Variants in WDFY4 observed in about 807,000 individuals in gnomAD.
WDFY4 encodes WD repeat- and FYVE domain-containing protein 4.
WDFY4 carries 169 observed loss-of-function variants against 351.9 expected under a neutral mutation model. The ratio of observed to expected loss-of-function variants is 0.48; its 90% CI spans 0.42 to 0.55. The LOEUF (loss-of-function observed/expected upper bound fraction) is 0.55. Among genes scored for constraint, WDFY4 ranks in the 20% least tolerant of loss-of-function variants. The probability of loss-of-function intolerance (pLI) is 0.00; values close to 1 mark genes in which losing one functional copy is unlikely to be tolerated. For missense variants in WDFY4, 3,803 were observed against 3,935.6 expected (o/e 0.97, Z 0.90); for synonymous variants, 1,622 against 1,574.6 (o/e 1.03, Z -0.71).
chr10:48,933,743 C>T (rs1482865491), intron 47 of WDFY4, among the ~76,000 whole-genome samples: 4 of 152,090 alleles, frequency 2.6e-5, no homozygotes, highest in Non-Finnish European at 4.4e-5. Context: ...TGAGAGTTGG[C>T]GATGGGGCTG....
intron 47 of WDFY4, among the ~76,000 whole-genome samples, chr10:48,919,317 A>G (rs2133566784): frequency 6.6e-6 from 1 of 152,366 alleles, no homozygotes; most frequent in East Asian, 1.9e-4. Flanking sequence ...AAGATCAACT[A>G]AAAACTACTA....
At chr10:48,799,486 A>G (rs2066984008) in intron 24 of WDFY4, among the ~76,000 whole-genome samples, 1 of 152,112 alleles carries the variant, frequency 6.6e-6, no homozygotes, top group Non-Finnish European at 1.5e-5. Flanking sequence ...CTCAGAAGTA[A>G]GGAGAAACGG....
intron 36 of WDFY4, among the ~76,000 whole-genome samples, chr10:48,828,444 A>G (rs2068076984): frequency 6.6e-6 from 1 of 152,224 alleles, no homozygotes; most frequent in Non-Finnish European, 1.5e-5. Flanking sequence ...AAACAAAGGC[A>G]GGGTTCAATT....
At chr10:48,880,171 C>T (rs2070187957) in intron 43 of WDFY4, among the ~76,000 whole-genome samples, 1 of 152,192 alleles carries the variant, frequency 6.6e-6, no homozygotes, top group Non-Finnish European at 1.5e-5. Context: ...GCATCCAAGG[C>T]TGGCCTGGGA....
chr10:48,740,305 G>C (rs1565148955), intron 11 of WDFY4, among the ~76,000 whole-genome samples: 2 of 152,194 alleles, frequency 1.3e-5, no homozygotes, highest in South Asian at 4.1e-4. Context: ...CAGTTAGAAA[G>C]GAGGGACCAA....
intron 1 of WDFY4, among the ~76,000 whole-genome samples, chr10:48,708,175 G>T (rs543969096): frequency 1.3e-5 from 2 of 152,134 alleles, no homozygotes; most frequent in Admixed American, 6.5e-5. Flanking sequence ...TTTGTAATAA[G>T]AAAATTATTC....
intron 59 of WDFY4, among the ~76,000 whole-genome samples, chr10:48,977,382 C>T (rs1249631132): frequency 6.6e-6 from 1 of 152,136 alleles, no homozygotes; most frequent in Non-Finnish European, 1.5e-5. Flanking sequence ...CTCATCTACC[C>T]ACCCATCCAT....
chr10:48,944,845 A>T (rs1840956533), intron 49 of WDFY4, among the ~76,000 whole-genome samples: 2 of 152,334 alleles, frequency 1.3e-5, no homozygotes, highest in South Asian at 2.1e-4. Context: ...CTTTAAAAAA[A>T]TCTGGATTTC....
intron 48 of WDFY4, among the ~76,000 whole-genome samples, chr10:48,942,271 T>A (rs1378352946): frequency 6.6e-6 from 1 of 152,230 alleles, no homozygotes. Flanking sequence ...AGCTGGGATC[T>A]TATTTTTCTA....
At chr10:48,727,803 G>A (rs1039487795) in intron 7 of WDFY4, 144 bp downstream of exon 7, 3 of 1,066,856 alleles carry the variant, frequency 2.8e-6, no homozygotes, top group South Asian at 1.7e-5. Flanking sequence ...GTGATTCATT[G>A]TGCAGACAGG....
In WDFY4 at chr10:48,975,023, C is replaced by A; in HGVS notation, c.9090C>A (p.Ile3030=). 1 of 1,551,774 alleles carries A rather than the reference C, an allele frequency of 6.4e-7. No individual in the cohort carries two copies. The highest frequency in any genetic ancestry group is 8.7e-7 in the Non-Finnish European group (1 of 1,147,018). ...LPAHREGISA[I]TISDVSGTIV... ...CCCATCGGGAAGGCATCTCAGCCAT[C>A]ACCATCAGTGACGTCTCAGTAAGTC... is the stretch of plus-strand genomic sequence containing the variant. The change falls in exon 58 of 62, where the codon ATC becomes ATA. Residue 3030 remains isoleucine, a synonymous_variant. Transcript: ENST00000325239.
At chr10:48,788,229 A>T (rs1001897472) in intron 20 of WDFY4, among the ~76,000 whole-genome samples, 11 of 151,566 alleles carry the variant, frequency 7.3e-5, no homozygotes, top group African/African-American at 2.7e-4. Flanking sequence ...AGATTTCACC[A>T]TGTTGGCTAG....
intron 20 of WDFY4, among the ~76,000 whole-genome samples, chr10:48,787,983 TCTCCTTCTC>T (rs2066541446): frequency 3.7e-5 from 3 of 81,620 alleles, no homozygotes; most frequent in African/African-American, 9.0e-5. Flanking sequence ...TTCTTCTTCT[TCTCCTTCTC>T]CTTCTCCTTC....
chr10:48,950,701 A>G (rs1317637594), intron 51 of WDFY4, among the ~76,000 whole-genome samples: 1 of 152,248 alleles, frequency 6.6e-6, no homozygotes, highest in Non-Finnish European at 1.5e-5. Context: ...CTCAGAGGAA[A>G]GGGACATGTG....
At chr10:48,944,571 T>C (rs1295307971) in intron 49 of WDFY4, among the ~76,000 whole-genome samples, 2 of 152,258 alleles carry the variant, frequency 1.3e-5, no homozygotes, top group African/African-American at 4.8e-5. Context: ...GCTGCTTGGA[T>C]GGCAGACCTT....
At position 48,787,865 on chromosome 10, in the gene WDFY4, TTCTTTCTTCTTTCTTTCTTCTTCTTC is replaced by T. The variant is rs1565197930; in HGVS notation, c.3809-662_3809-637del. ...TTCTTCTTCTTCTTCTTCTTTCTTCTTCTTTCTTCTTTCTTTCTTCTTCTTCTCCTTCTTCTTCTTCTTCTTCTTCT... is the reference window on the plus strand; with the variant it reads ...TTCTTCTTCTTCTTCTTCTTTCTTCTTCCTTCTTCTTCTTCTTCTTCTTCT... On this transcript the variant is annotated intron_variant, in intron 20 of 61. Transcript: ENST00000325239. Among the ~76,000 whole-genome samples, 31 of 135,558 alleles carry T rather than the reference TTCTTTCTTCTTTCTTTCTTCTTCTTC, an allele frequency of 2.3e-4. 2 individuals are homozygous for T. The highest frequency in any genetic ancestry group is 9.2e-4 in the African/African-American group (27 of 29,310). The allele number at this position is 135,558 out of a possible 152,430, so 88.9% of individuals were successfully genotyped here. A position where few individuals can be genotyped will look rare whatever the true frequency, so the allele number is the denominator to read the frequency against.
intron 12 of WDFY4, among the ~76,000 whole-genome samples, chr10:48,745,122 T>G (rs1434236691): frequency 6.6e-6 from 1 of 152,234 alleles, no homozygotes; most frequent in Non-Finnish European, 1.5e-5. Flanking sequence ...CTCTGTAATT[T>G]GTAAGTTTTA....
chr10:48,730,651 T>A (rs1227618695), intron 8 of WDFY4, among the ~76,000 whole-genome samples: 1 of 152,242 alleles, frequency 6.6e-6, no homozygotes, highest in African/African-American at 2.4e-5. Flanking sequence ...CCCAATGCTC[T>A]CCAATGGAAA....
At chr10:48,756,434 A>G (rs974545916) in intron 12 of WDFY4, among the ~76,000 whole-genome samples, 3 of 151,788 alleles carry the variant, frequency 2.0e-5, no homozygotes, top group Admixed American at 6.6e-5. Flanking sequence ...GGGATTTTCT[A>G]TGAAGACAAT....
Sources: allele counts gnomAD v4.1 joint callset (sites outside exome capture counted in the v4.1 genomes callset), GRCh38; gene constraint gnomAD v4.1.1; transcripts MANE v1.5; gene names NCBI Gene and HGNC (gene_info 2026-07-23, HGNC 2026-07-21).